Variants in PDE4D observed in about 807,000 individuals in gnomAD.
PDE4D encodes phosphodiesterase 4D.
A neutral mutation model predicts 87.4 loss-of-function variants in PDE4D; 24 were observed. That is an observed-to-expected ratio of 0.27 (90% CI 0.20 to 0.39). PDE4D has a LOEUF of 0.39. PDE4D is among the 10% of genes least tolerant of loss of function. The pLI is 1.00. For synonymous variants in PDE4D, 384 were observed against 383.2 expected, an observed-to-expected ratio of 1.00 and a Z score of -0.02; for missense variants, 714 against 1,041.0, an observed-to-expected ratio of 0.69 and a Z score of 4.32.
chr5:60,424,553 T>C (rs1743476400), intron 1 of PDE4D, among the ~76,000 whole-genome samples: 1 of 152,122 alleles, frequency 6.6e-6, no homozygotes, highest in Non-Finnish European at 1.5e-5. Context: ...AGAGCAATTT[T>C]TGACAAACCC....
intron 3 of PDE4D, among the ~76,000 whole-genome samples, chr5:59,912,921 G>A (rs1430229881): frequency 2.6e-5 from 4 of 152,154 alleles, no homozygotes; most frequent in Non-Finnish European, 4.4e-5. Flanking sequence ...GGTGACTGAA[G>A]GCTGCTTTAG....
intron 1 of PDE4D, among the ~76,000 whole-genome samples, chr5:59,491,984 C>T (rs1806291720): frequency 6.6e-6 from 1 of 152,150 alleles, no homozygotes; most frequent in African/African-American, 2.4e-5. Flanking sequence ...AGCTGGGAGT[C>T]TTCTCAGCTA....
intron 2 of PDE4D, among the ~76,000 whole-genome samples, chr5:59,998,922 C>T (rs1052636303): frequency 4.6e-5 from 7 of 151,998 alleles, no homozygotes; most frequent in Non-Finnish European, 5.9e-5. Flanking sequence ...TGACTATGTA[C>T]GTGTGAGATG....
upstream of PDE4D, among the ~76,000 whole-genome samples, chr5:59,897,457 C>CT (rs941548941): frequency 9.3e-5 from 14 of 151,336 alleles, no homozygotes; most frequent in South Asian, 4.2e-4. Flanking sequence ...TTTTTTTTTA[C>CT]TTTTTTTATT....
In PDE4D at chr5:60,409,955, G is replaced by A. The variant is rs138836632; in HGVS notation, c.-90+77987C>T. ...CTCTTGTGTGGATAGAGGAGAGCCC[G>A]AGGGATGAAGGATTTCTGCCCCATT... On this transcript the variant is annotated intron_variant, in intron 1 of 16. Coordinates refer to the PDE4D transcript ENST00000502484. Among the ~76,000 whole-genome samples, 152 of 152,020 alleles carry A rather than the reference G, an allele frequency of 1.0e-3. 1 individual carries two copies. The East Asian group carries it at 0.013, about 13-fold the overall frequency.
At chr5:60,481,066 A>G (rs1462868027) in intron 1 of PDE4D, among the ~76,000 whole-genome samples, 1 of 152,154 alleles carries the variant, frequency 6.6e-6, no homozygotes, top group Non-Finnish European at 1.5e-5. Flanking sequence ...TTAGGTCAGG[A>G]TATGAAGATT....
At chr5:60,203,291 TAAC>T (rs1381107165) in intron 1 of PDE4D, among the ~76,000 whole-genome samples, 1 of 152,114 alleles carries the variant, frequency 6.6e-6, no homozygotes, top group African/African-American at 2.4e-5. Context: ...ATTAAATACT[TAAC>T]AATAGCAGAT....
At chr5:59,501,211 T>C (rs532248883) in intron 1 of PDE4D, among the ~76,000 whole-genome samples, 1 of 152,314 alleles carries the variant, frequency 6.6e-6, no homozygotes, top group African/African-American at 2.4e-5. Flanking sequence ...ATTTCTTAGT[T>C]TTTAGTTGTT....
chr5:60,164,452 T>C (rs1379832674), intron 2 of PDE4D, among the ~76,000 whole-genome samples: 2 of 152,124 alleles, frequency 1.3e-5, no homozygotes, highest in African/African-American at 4.8e-5. Context: ...CTCCTTCCAT[T>C]CTATTTAAGC....
chr5:60,406,670 A>G (rs1390503988), intron 1 of PDE4D, among the ~76,000 whole-genome samples: 1 of 152,182 alleles, frequency 6.6e-6, no homozygotes, highest in African/African-American at 2.4e-5. Context: ...AAATAGTAAT[A>G]TTACAATTGT....
chr5:59,522,667 T>C (rs1015445444), intron 1 of PDE4D, among the ~76,000 whole-genome samples: 1 of 152,188 alleles, frequency 6.6e-6, no homozygotes, highest in Admixed American at 6.5e-5. Context: ...GCAAAGAATC[T>C]TGAGGAGTAA....
chr5:59,630,845 C>G (rs1255664793), intron 1 of PDE4D, among the ~76,000 whole-genome samples: 1 of 152,144 alleles, frequency 6.6e-6, no homozygotes, highest in African/African-American at 2.4e-5. Flanking sequence ...CCAAGAGGCA[C>G]TTTCATTGGT....
At chr5:59,761,808 A>C (rs1027579934) in intron 1 of PDE4D, among the ~76,000 whole-genome samples, 2 of 152,144 alleles carry the variant, frequency 1.3e-5, no homozygotes, top group Non-Finnish European at 2.9e-5. Context: ...AGTACTCTTT[A>C]AAACAATGGT....
chr5:59,046,947 A>AGG (rs1760805294), intron 5 of PDE4D, among the ~76,000 whole-genome samples: 1 of 152,180 alleles, frequency 6.6e-6, no homozygotes, highest in Non-Finnish European at 1.5e-5. Context: ...TCTCTATTCC[A>AGG]CTTCATACAA....
At chr5:60,420,085 A>G (rs1742958825) in intron 1 of PDE4D, among the ~76,000 whole-genome samples, 1 of 152,230 alleles carries the variant, frequency 6.6e-6, no homozygotes, top group African/African-American at 2.4e-5. Flanking sequence ...AGAAAATGTT[A>G]TCAGGTTGAG....
intron 2 of PDE4D, among the ~76,000 whole-genome samples, chr5:60,094,816 C>T (rs1582623810): frequency 6.6e-6 from 1 of 151,906 alleles, no homozygotes; most frequent in African/African-American, 2.4e-5. Flanking sequence ...GCAATACATA[C>T]ATTTCTCTTG....
chr5:58,977,073 G>A (rs1329990880), intron 12 of PDE4D, 118 bp downstream of exon 12: 5 of 884,172 alleles, frequency 5.7e-6, no homozygotes, highest in Admixed American at 2.5e-5. Flanking sequence ...ATAACATAAA[G>A]GGCCATAATA....
intron 1 of PDE4D, among the ~76,000 whole-genome samples, chr5:59,514,449 A>G (rs867186779): frequency 6.6e-6 from 1 of 152,042 alleles, no homozygotes. Flanking sequence ...TCCTCTTGAT[A>G]GGGAGTGGGA....
intron 1 of PDE4D, among the ~76,000 whole-genome samples, chr5:60,325,297 T>A (rs1756681032): frequency 6.6e-6 from 1 of 152,106 alleles, no homozygotes; most frequent in Non-Finnish European, 1.5e-5. Context: ...TCAACCAACC[T>A]CCCACTTATT....
Sources: allele counts gnomAD v4.1 joint callset (sites outside exome capture counted in the v4.1 genomes callset), GRCh38; gene constraint gnomAD v4.1.1; transcripts MANE v1.5; gene names NCBI Gene and HGNC (gene_info 2026-07-23, HGNC 2026-07-21).